The following DLST variants were observed in gnomAD, a reference collection of about 807,000 sequenced individuals.
The protein encoded by DLST is dihydrolipoamide S-succinyltransferase, also known as dihydrolipoyllysine-residue succinyltransferase component of 2-oxoglutarate dehydrogenase complex, mitochondrial.
In DLST, 17 loss-of-function variants were observed where a neutral mutation model predicts 53.1. The observed-to-expected ratio is 0.32, with a 90% CI of 0.22 to 0.48. DLST has a LOEUF of 0.48. DLST is among the 20% of genes least tolerant of loss of function. DLST has a pLI of 0.99. For synonymous variants in DLST, 206 were observed against 204.8 expected (o/e 1.01, Z -0.05); for missense variants, 512 against 583.9 (o/e 0.88, Z 1.27).
chr14:74,882,323 G>C (rs1883550221), intron 1 of DLST, among the ~76,000 whole-genome samples: 1 of 152,226 alleles, frequency 6.6e-6, no homozygotes, highest in Non-Finnish European at 1.5e-5. Context: ...GAGGAGGCGC[G>C]GCGGAGTCCT....
rs1883973098 is a variant in DLST at position 74,893,341 on chromosome 14, T to C, written c.596-7T>C. 1 of 1,614,212 alleles carries C rather than the reference T, an allele frequency of 6.2e-7. No homozygotes were observed. Among genetic ancestry groups the C allele is most frequent in the Non-Finnish European group, 8.5e-7 (1 of 1,180,024 alleles). On this transcript the variant is annotated splice_region_variant and splice_polypyrimidine_tract_variant and intron_variant, in intron 8 of 14. Transcript: ENST00000334220. ...CTGATGCAGCTTTATCCTCTTTTCATTTTCAGTGTCTGCAGTAAAACCCAC... is the reference window on the plus strand; with the variant it reads ...CTGATGCAGCTTTATCCTCTTTTCACTTTCAGTGTCTGCAGTAAAACCCAC...
Position 74,902,311 on chromosome 14 carries a change from TC to T in DLST, c.1345del (p.Leu449SerfsTer36). 6.2e-7 allele frequency: 1 copy of T among 1,611,644 alleles called. No individual in the cohort carries two copies. Among genetic ancestry groups the T allele is most frequent in the Non-Finnish European group, 8.5e-7 (1 of 1,179,140 alleles). ...KIKAAVEDPR[V>X]LLLDL ...AAGGCAGCGGTAGAGGATCCCAGAGTCCTCCTCCTGGATCTTTAGGAGGAAC... is the reference window on the plus strand; with the variant it reads ...AAGGCAGCGGTAGAGGATCCCAGAGTCTCCTCCTGGATCTTTAGGAGGAAC... On this transcript the variant is annotated frameshift_variant, in exon 15 of 15. Transcript: ENST00000334220. LOFTEE classifies it high-confidence loss of function.
intron 10 of DLST, among the ~76,000 whole-genome samples, chr14:74,898,059 A>T (rs1464853841): frequency 1.3e-5 from 2 of 151,668 alleles, no homozygotes; most frequent in Non-Finnish European, 2.9e-5. Context: ...CAGGGCAAGG[A>T]TGTTGGTGTG....
chr14:74,900,253 A>G, intron 12 of DLST, 36 bp from the exon 13 acceptor site: 1 of 1,592,948 alleles, frequency 6.3e-7, no homozygotes, highest in Non-Finnish European at 8.6e-7. Flanking sequence ...AGGTACTATT[A>G]ATTTGCAACT....
intron 11 of DLST, 72 bp from the exon 12 acceptor site, chr14:74,899,851 A>T: frequency 8.3e-7 from 1 of 1,210,708 alleles, no homozygotes; most frequent in Non-Finnish European, 1.2e-6. Flanking sequence ...TTACTCTGTT[A>T]ATGCACATAT....
Position 74,881,989 on chromosome 14 carries a change from C to G in DLST, c.36C>G (p.Phe12Leu). The G allele has an allele frequency of 6.4e-7, 1 of 1,572,968 alleles. No homozygotes were observed. The highest frequency in any genetic ancestry group is 1.1e-5 in the South Asian group (1 of 87,558). ...LSRSRCVSRA[F>L]SRSLSAFQKG... ...GATCCCGCTGTGTGTCTCGGGCGTT[C>G]AGCCGCTCGCTCTCCGCCTTCCAGA... Residue 12 changes from phenylalanine to leucine, a missense_variant, in exon 1 of 15, where the codon TTC becomes TTG. Physicochemically the swap from Phe to Leu is conservative, Grantham distance 22 (BLOSUM62 0). Around this residue, in one of 4 missense-constraint regions of DLST, gnomAD observed 129 missense variants for 90.9 expected, o/e 1.42. Coordinates refer to ENST00000334220, the MANE Select transcript of DLST (RefSeq NM_001933.5).
chr14:74,895,115 T>C (rs552777431), intron 10 of DLST, among the ~76,000 whole-genome samples: 1 of 152,238 alleles, frequency 6.6e-6, no homozygotes, highest in Non-Finnish European at 1.5e-5. Context: ...TAGCCCCAGC[T>C]ACTTGGGGGG....
At position 74,902,220 on chromosome 14, in the gene DLST, G is replaced by A. The variant is rs199708879; in HGVS notation, c.1252G>A (p.Val418Met). Residue 418 changes from valine to methionine, a missense_variant, in exon 15 of 15, where the codon GTG (valine) becomes ATG (methionine). Physicochemically the swap from Val to Met is conservative, Grantham distance 21. Around this residue, in one of 4 missense-constraint regions of DLST, gnomAD observed 186 missense variants for 260.4 expected, o/e 0.71. Transcript: ENST00000334220. ...GKVEVRPMMY[V>M]ALTYDHRLID... ...GGTAGAGGTGCGGCCCATGATGTAC[G>A]TGGCACTGACCTATGATCACCGGCT... 6.8e-6 allele frequency: 11 copies of A among 1,608,948 alleles called. No individual in the cohort carries two copies. Among genetic ancestry groups the A allele is most frequent in the African/African-American group, 1.3e-5 (1 of 74,836 alleles).
chr14:74,890,238 C>G (rs550412408), intron 6 of DLST, among the ~76,000 whole-genome samples: 10 of 151,160 alleles, frequency 6.6e-5, no homozygotes, highest in African/African-American at 2.4e-4. Context: ...AGCGATTCTC[C>G]TGCCTCAGCC....
At chr14:74,901,261 G>A in intron 14 of DLST, 28 bp downstream of exon 14, 1 of 1,596,866 alleles carries the variant, frequency 6.3e-7, no homozygotes, top group East Asian at 2.2e-5. Flanking sequence ...TAAGGTCCTA[G>A]TGGCTAGGTC....
rs1360097821 is a variant in DLST at position 74,901,191 on chromosome 14, G to A, written c.1185G>A (p.Gly395=). 6.2e-7 allele frequency: 1 copy of A among 1,614,236 alleles called. No homozygotes were observed. Among genetic ancestry groups the A allele is most frequent in the Admixed American group, 1.7e-5 (1 of 60,020 alleles). ...IINPPQSAIL[G]MHGIFDRPVA... is the part of the protein sequence containing the mutation. Reference sequence around the variant, plus strand: ...ACCCCCCTCAGTCTGCCATCCTGGGGATGCATGGCATCTTTGACAGGCCAG... The same window carrying A: ...ACCCCCCTCAGTCTGCCATCCTGGGAATGCATGGCATCTTTGACAGGCCAG... The change falls in exon 14 of 15, where the codon GGG becomes GGA. Residue 395 remains glycine, a synonymous_variant. Coordinates refer to ENST00000334220, the MANE Select transcript of DLST (RefSeq NM_001933.5).
At chr14:74,902,160 G>A in intron 14 of DLST, 36 bp from the exon 15 acceptor site, 1 of 1,507,394 alleles carries the variant, frequency 6.6e-7, no homozygotes, top group South Asian at 1.3e-5. Context: ...GCTGTGGCTT[G>A]CTGGAGACAA....
chr14:74,884,663 A>C (rs1219619003), intron 2 of DLST, among the ~76,000 whole-genome samples: 1 of 152,156 alleles, frequency 6.6e-6, no homozygotes, highest in Non-Finnish European at 1.5e-5. Context: ...AATCAGTGTG[A>C]GCCGCCATCT....
rs554211830 is a variant in DLST, at chr14:74,884,483, C to T, written c.98-1103C>T. On this transcript the variant is annotated intron_variant, in intron 2 of 14. Transcript: ENST00000334220. ...GGCTAGTCGCTTAACCTCCAAAAGT[C>T]CTACTTATATGAAATGGGAATAATG... 8.5e-5 allele frequency among the ~76,000 whole-genome samples: 13 copies of T among 152,254 alleles called. No individual in the cohort carries two copies. In the East Asian group the frequency reaches 1.5e-3, roughly 18 times the overall value.
chr14:74,890,083 G>T (rs1883849826), intron 6 of DLST, 131 bp downstream of exon 6: 10 of 573,688 alleles, frequency 1.7e-5, no homozygotes, highest in Non-Finnish European at 2.0e-5. Context: ...AAAATTATTG[G>T]ATTTGTTCAA....
rs918076478 is a variant in DLST at position 74,895,509 on chromosome 14, G to A, written c.770+1100G>A. 2.0e-5 allele frequency among the ~76,000 whole-genome samples: 3 copies of A among 152,204 alleles called. No individual in the cohort carries two copies. The East Asian group carries it at 5.8e-4, about 29-fold the overall frequency. ...CATGGCTCGTGCCTATAATCCCAGAGCTTTGGGAGGGTGAGGAAGGAGGAT... is the reference window on the plus strand; with the variant it reads ...CATGGCTCGTGCCTATAATCCCAGAACTTTGGGAGGGTGAGGAAGGAGGAT... On this transcript the variant is annotated intron_variant, in intron 10 of 14. Coordinates refer to ENST00000334220, the MANE Select transcript of DLST (RefSeq NM_001933.5).
chr14:74,893,361 A>G lies in DLST; in HGVS notation c.609A>G (p.Lys203=). ...PPSGKPVSAV[K]PTVAPPLAEP... Reference sequence around the variant, plus strand: ...TTTCATTTTCAGTGTCTGCAGTAAAACCCACTGTTGCCCCACCACTAGCTG... The same window carrying G: ...TTTCATTTTCAGTGTCTGCAGTAAAGCCCACTGTTGCCCCACCACTAGCTG... The change falls in exon 9 of 15, where the codon AAA becomes AAG. Residue 203 remains lysine, a synonymous_variant. Transcript: ENST00000334220. 9 of 1,614,098 alleles carry G rather than the reference A, an allele frequency of 5.6e-6. No individual in the cohort carries two copies. The East Asian group carries it at 6.7e-5, about 12-fold the overall frequency.
In DLST at chr14:74,902,915, C is replaced by A. The variant is rs766363692; in HGVS notation, c.*585C>A. ...TGCCTCTTCTACCTCTTCCAGGAAG[C>A]ACAGGCCAGGGGATCTGGGTGTGTG... is the stretch of plus-strand genomic sequence containing the variant. On this transcript the variant is annotated 3_prime_UTR_variant, in exon 15 of 15. Transcript: ENST00000334220. 1.3e-5 allele frequency: 2 copies of A among 152,702 alleles called. No homozygotes were observed. The highest frequency in any genetic ancestry group is 2.9e-5 in the Non-Finnish European group (2 of 68,098). 9.5% of individuals were successfully genotyped at this position (152,702 alleles called of 1,614,324 possible).
intron 12 of DLST, 70 bp from the exon 13 acceptor site, chr14:74,900,219 A>C: frequency 1.4e-6 from 2 of 1,433,216 alleles, no homozygotes; most frequent in Non-Finnish European, 2.0e-6. Context: ...CATGGGTTGA[A>C]TCAAGGGAGT....
Sources: allele counts gnomAD v4.1 joint callset (sites outside exome capture counted in the v4.1 genomes callset), GRCh38; gene constraint gnomAD v4.1.1; regional missense constraint gnomAD v4.1.1; transcripts MANE v1.5; gene names NCBI Gene and HGNC (gene_info 2026-07-23, HGNC 2026-07-21).